Variants in SORCS1 observed in about 807,000 individuals in gnomAD.
SORCS1 encodes the protein VPS10 domain-containing receptor SorCS1.
A neutral mutation model predicts 146.1 loss-of-function variants in SORCS1; 60 were observed. That is an observed-to-expected ratio of 0.41 (90% CI 0.33 to 0.51). SORCS1 has a LOEUF of 0.51. Among genes scored for constraint, SORCS1 ranks in the 20% least tolerant of loss-of-function variants. The pLI is 0.21. For missense variants in SORCS1, 1,352 were observed against 1,487.6 expected, an observed-to-expected ratio of 0.91 and a Z score of 1.50; for synonymous variants, 637 against 584.0, an observed-to-expected ratio of 1.09 and a Z score of -1.31.
intron 2 of SORCS1, among the ~76,000 whole-genome samples, chr10:106,866,321 C>T (rs1950220768): frequency 6.6e-6 from 1 of 152,178 alleles, no homozygotes; most frequent in African/African-American, 2.4e-5. Flanking sequence ...CCCCTCCAAC[C>T]CCACTCATTA....
chr10:107,126,717 A>G (rs1166381196), intron 1 of SORCS1, among the ~76,000 whole-genome samples: 2 of 152,084 alleles, frequency 1.3e-5, no homozygotes, highest in Admixed American at 1.3e-4. Context: ...ACTTCTTTTG[A>G]TGGATGTGGA....
At chr10:106,706,747 T>A in intron 7 of SORCS1, 113 bp from the exon 8 acceptor site, 1 of 912,968 alleles carries the variant, frequency 1.1e-6, no homozygotes, top group Non-Finnish European at 1.7e-6. Context: ...ATGGCATTAA[T>A]GTCTATTGCG....
chr10:106,960,297 T>C lies in SORCS1; in HGVS notation c.559-3717A>G, dbSNP rs1589797002. On this transcript the variant is annotated intron_variant, in intron 1 of 25. Transcript: ENST00000263054. This position sits in a 1 kb window ranked among gnomAD's most constrained non-coding sequence, Gnocchi z 4.4. The stretch of plus-strand genomic sequence containing the variant: ...CCCCTCGCCAGTCTAGGACTTGCTG[T>C]CAGCACATGACATTTGTACTTCTTT... Among the ~76,000 whole-genome samples the C allele has an allele frequency of 6.6e-6, 1 of 152,238 alleles. No individual in the cohort carries two copies. The highest frequency in any genetic ancestry group is 1.9e-4 in the East Asian group (1 of 5,206).
chr10:107,025,096 A>C (rs572927081), intron 1 of SORCS1, among the ~76,000 whole-genome samples: 79 of 152,348 alleles, frequency 5.2e-4, no homozygotes, highest in African/African-American at 1.9e-3. Flanking sequence ...GACTTCTGTC[A>C]GGTGTTATAT....
rs1856484759 is a variant in SORCS1 at position 106,730,068 on chromosome 10, C to A, written c.1006G>T (p.Ala336Ser). 7 of 1,614,110 alleles carry A rather than the reference C, an allele frequency of 4.3e-6. No homozygotes were observed. The Middle Eastern group carries it at 4.9e-4, about 114-fold the overall frequency. ...NKEPDLVHLE[A>S]RTVDGHSHYL... ...TACTTACGACCATCCACAGTTCTGG[C>A]CTCAAGATGCACAAGGTCTGGTTCT... Residue 336 changes from alanine (A) to serine (S), a missense_variant, in exon 6 of 26, where the codon GCC (alanine) becomes TCC (serine). Physicochemically the swap from Ala to Ser is moderately conservative, Grantham distance 99 (BLOSUM62 1). Coordinates refer to ENST00000263054, the MANE Select transcript of SORCS1 (RefSeq NM_052918.5).
intron 24 of SORCS1, among the ~76,000 whole-genome samples, chr10:106,588,623 A>G (rs1364010842): frequency 6.6e-6 from 1 of 152,038 alleles, no homozygotes; most frequent in African/African-American, 2.4e-5. Flanking sequence ...GCACTTTGGG[A>G]GGCCAAGGTG....
intron 2 of SORCS1, among the ~76,000 whole-genome samples, chr10:106,954,718 G>A (rs958191726): frequency 2.6e-5 from 4 of 152,076 alleles, no homozygotes; most frequent in African/African-American, 9.7e-5. Flanking sequence ...AATCATGGAT[G>A]GGAAGCTCCT....
At chr10:107,154,804 T>C (rs1002403114) in intron 1 of SORCS1, among the ~76,000 whole-genome samples, 1 of 152,224 alleles carries the variant, frequency 6.6e-6, no homozygotes, top group African/African-American at 2.4e-5. Context: ...GATGATTTAG[T>C]ATATGCCAGA....
chr10:107,003,429 AGTGTGTGT>A (rs59467041), intron 1 of SORCS1, among the ~76,000 whole-genome samples: 11,618 of 140,458 alleles, frequency 0.083, 992 homozygotes, highest in African/African-American at 0.22. Flanking sequence ...AATTCCCATA[AGTGTGTGT>A]GTGTGTGTGT....
chr10:106,623,643 TTCAC>T (rs1309420846), intron 19 of SORCS1, among the ~76,000 whole-genome samples: 1 of 152,076 alleles, frequency 6.6e-6, no homozygotes, highest in African/African-American at 2.4e-5. Flanking sequence ...TGGTAATTCA[TTCAC>T]TCAGTTTTTT....
chr10:106,609,572 C>G (rs2133399536), intron 22 of SORCS1, among the ~76,000 whole-genome samples: 1 of 152,276 alleles, frequency 6.6e-6, no homozygotes, highest in East Asian at 1.9e-4. Flanking sequence ...AGGAACCAAG[C>G]TCTGCATCAA....
chr10:107,080,093 T>C (rs1354180376), intron 1 of SORCS1, among the ~76,000 whole-genome samples: 1 of 152,172 alleles, frequency 6.6e-6, no homozygotes, highest in East Asian at 1.9e-4. Flanking sequence ...AGCAATAAAA[T>C]TGCTGCAATA....
At chr10:106,660,098 C>G (rs1192520188) in intron 17 of SORCS1, among the ~76,000 whole-genome samples, 3 of 152,058 alleles carry the variant, frequency 2.0e-5, no homozygotes, top group African/African-American at 7.2e-5. Context: ...GAAAAGTATC[C>G]TTGAGAGGAG....
intron 2 of SORCS1, among the ~76,000 whole-genome samples, chr10:106,843,946 G>T (rs1451431145): frequency 2.0e-5 from 3 of 152,140 alleles, no homozygotes; most frequent in African/African-American, 7.2e-5. Flanking sequence ...TCTATATGGA[G>T]CATATTTAAA....
intron 2 of SORCS1, among the ~76,000 whole-genome samples, chr10:106,901,791 C>A (rs1248417200): frequency 6.6e-6 from 1 of 152,128 alleles, no homozygotes; most frequent in Non-Finnish European, 1.5e-5. Flanking sequence ...TGCCTGTAAT[C>A]CCAGCACTTT....
intron 1 of SORCS1, among the ~76,000 whole-genome samples, chr10:107,108,957 T>C (rs1197574190): frequency 6.6e-6 from 1 of 152,226 alleles, no homozygotes; most frequent in Non-Finnish European, 1.5e-5. Context: ...CATTAAATCT[T>C]AAAGCTCCAA....
chr10:107,136,200 C>T (rs1026006853), intron 1 of SORCS1, among the ~76,000 whole-genome samples: 13 of 152,108 alleles, frequency 8.5e-5, no homozygotes, highest in African/African-American at 3.1e-4. Flanking sequence ...AATCCATTTA[C>T]GCAAAACTTA....
intron 3 of SORCS1, among the ~76,000 whole-genome samples, chr10:106,808,275 C>A (rs1050356233): frequency 6.6e-6 from 1 of 152,184 alleles, no homozygotes; most frequent in Non-Finnish European, 1.5e-5. Context: ...GCCTTGGCCT[C>A]CCAAAGTGCT....
At position 106,972,602 on chromosome 10, in the gene SORCS1, A is replaced by G. The variant is rs542952267; in HGVS notation, c.559-16022T>C. On this transcript the variant is annotated intron_variant, in intron 1 of 25. Coordinates refer to ENST00000263054, the MANE Select transcript of SORCS1 (RefSeq NM_052918.5). Reference sequence around the variant, plus strand: ...AGCTAGGTGGGGGGGCTGAGATTTGAATCTGAACAGTCTGAGTCCAAAGCT... The same window carrying G: ...AGCTAGGTGGGGGGGCTGAGATTTGGATCTGAACAGTCTGAGTCCAAAGCT... Among the ~76,000 whole-genome samples, 13 of 151,730 alleles carry G rather than the reference A, an allele frequency of 8.6e-5. No homozygotes were observed. The East Asian group carries it at 2.3e-3, about 27-fold the overall frequency.
Sources: gnomAD v4.1 joint callset for allele counts (sites outside exome capture counted in the v4.1 genomes callset) on GRCh38, gnomAD v4.1.1 for gene constraint, Gnocchi (gnomAD v3.1) non-coding constraint, MANE v1.5 for transcripts, NCBI Gene and HGNC (gene_info 2026-07-23, HGNC 2026-07-21) for gene names.